TP53BP1: variants seen among roughly 807,000 people sequenced by gnomAD.
TP53BP1 encodes tumor protein p53 binding protein 1.
A neutral mutation model predicts 200.8 loss-of-function variants in TP53BP1; 61 were observed. The observed-to-expected ratio is 0.30, with a 90% CI of 0.25 to 0.38. The LOEUF (loss-of-function observed/expected upper bound fraction) is 0.38, where lower values mean the gene tolerates loss of function less well. Ranked by LOEUF, TP53BP1 falls within the 10% of genes least tolerant of loss-of-function variation. The pLI is 1.00. For missense variants in TP53BP1, 2,144 were observed against 2,371.9 expected, an observed-to-expected ratio of 0.90 and a Z score of 2.00; for synonymous variants, 822 against 844.3, an observed-to-expected ratio of 0.97 and a Z score of 0.46.
chr15:43,417,980 G>A (rs2045306358), intron 21 of TP53BP1, among the ~76,000 whole-genome samples: 1 of 151,830 alleles, frequency 6.6e-6, no homozygotes, highest in Non-Finnish European at 1.5e-5. Context: ...AGGAATTCAA[G>A]ACCAGCCTGA....
chr15:43,507,433 C>G (rs2079243269), intron 1 of TP53BP1, among the ~76,000 whole-genome samples: 1 of 152,236 alleles, frequency 6.6e-6, no homozygotes, highest in South Asian at 2.1e-4. Context: ...CTGCGCCCAG[C>G]TAGTCCAATT....
At chr15:43,417,814 T>C (rs2045302242) in intron 21 of TP53BP1, among the ~76,000 whole-genome samples, 1 of 152,188 alleles carries the variant, frequency 6.6e-6, no homozygotes, top group Admixed American at 6.5e-5. Context: ...CATTTAATAA[T>C]GAACAAAGGG....
rs772898309 is a variant in TP53BP1, at chr15:43,420,285, A to G, written c.4681+20T>C. On this transcript the variant is annotated intron_variant, in intron 21 of 27. Transcript: ENST00000382044. Reference sequence around the variant, plus strand: ...CCCAAGGCACAAAAAAATCTCTACAAACTCTGCTTCTTTCATTACCTGCAC... The same window carrying G: ...CCCAAGGCACAAAAAAATCTCTACAGACTCTGCTTCTTTCATTACCTGCAC... The G allele has an allele frequency of 6.2e-7, 1 of 1,605,404 alleles. No homozygotes were observed. Among genetic ancestry groups the G allele is most frequent in the Non-Finnish European group, 8.5e-7 (1 of 1,174,220 alleles).
At chr15:43,502,277 C>T (rs1595637227) in intron 1 of TP53BP1, among the ~76,000 whole-genome samples, 1 of 152,062 alleles carries the variant, frequency 6.6e-6, no homozygotes, top group Admixed American at 6.5e-5. Flanking sequence ...GAGCTATGAT[C>T]GCACCACTTG....
At chr15:43,479,287 G>A (rs1469621937) in intron 7 of TP53BP1, 110 bp downstream of exon 7, 2 of 1,236,844 alleles carry the variant, frequency 1.6e-6, no homozygotes, top group East Asian at 2.6e-5. Context: ...AGTACAAGGG[G>A]AAAATAATTT....
At chr15:43,506,872 C>T (rs1483226756) in intron 1 of TP53BP1, among the ~76,000 whole-genome samples, 1 of 152,100 alleles carries the variant, frequency 6.6e-6, no homozygotes, top group African/African-American at 2.4e-5. Context: ...TCTTCATTTG[C>T]AAAGGGTGTA....
chr15:43,447,505 G>GAAAAAAAAAAAAAAAAAAAAAAAAAAAAA lies in TP53BP1; in HGVS notation c.2717-21_2717-20insTTTTTTTTTTTTTTTTTTTTTTTTTTTTT. ...GGGTTTCTGAAAAAAAAAAAAAAAA[G>GAAAAAAAAAAAAAAAAAAAAAAAAAAAAA]AAAAAAGAAAGAAAGAAAAAATGAT... On this transcript the variant is annotated intron_variant, in intron 12 of 27. Transcript: ENST00000382044. 9.0e-7 allele frequency: 1 copy of GAAAAAAAAAAAAAAAAAAAAAAAAAAAAA among 1,116,984 alleles called. No individual in the cohort carries two copies. Among genetic ancestry groups the GAAAAAAAAAAAAAAAAAAAAAAAAAAAAA allele is most frequent in the Non-Finnish European group, 1.2e-6 (1 of 846,348 alleles). 69.2% of individuals were successfully genotyped at this position (1,116,984 alleles called of 1,614,324 possible). A position where few individuals can be genotyped will look rare whatever the true frequency, so the allele number is the denominator to read the frequency against.
At chr15:43,441,713 T>C (rs1314722442) in intron 14 of TP53BP1, 130 bp from the exon 15 acceptor site, 2 of 642,194 alleles carry the variant, frequency 3.1e-6, no homozygotes, top group African/African-American at 1.8e-5. Context: ...TAAGTAAAAC[T>C]AGTAAGTATA....
chr15:43,467,193 G>A (rs1199053306), intron 11 of TP53BP1, among the ~76,000 whole-genome samples: 1 of 151,780 alleles, frequency 6.6e-6, no homozygotes, highest in East Asian at 1.9e-4. Context: ...AGCCTCCTGA[G>A]CAGCTGGGAC....
chr15:43,447,282 C>T, intron 13 of TP53BP1, 84 bp downstream of exon 13: 1 of 1,444,452 alleles, frequency 6.9e-7, no homozygotes, highest in Non-Finnish European at 9.4e-7. Context: ...CCAGACCCAA[C>T]TCCTCAGATC....
Position 43,403,145 on chromosome 15 carries a change from A to C in TP53BP1, c.*4238T>G, listed in dbSNP as rs1409264783. 1.3e-5 allele frequency: 2 copies of C among 152,222 alleles called. No homozygotes were observed. The highest frequency in any genetic ancestry group is 2.9e-5 in the Non-Finnish European group (2 of 68,066). 9.4% of individuals were successfully genotyped at this position (152,222 alleles called of 1,614,324 possible). A position where few individuals can be genotyped will look rare whatever the true frequency, so the allele number is the denominator to read the frequency against. On this transcript the variant is annotated 3_prime_UTR_variant, in exon 28 of 28. Transcript: ENST00000382044. ...AGGTATAATTCATGGCTCTGCCCTTAAGGAGCTCACAATCTAGTTGGAAAA... is the reference window on the plus strand; with the variant it reads ...AGGTATAATTCATGGCTCTGCCCTTCAGGAGCTCACAATCTAGTTGGAAAA...
At position 43,455,925 on chromosome 15, in the gene TP53BP1, G is replaced by A; in HGVS notation, c.2683C>T (p.His895Tyr). The A allele has an allele frequency of 6.2e-7, 1 of 1,614,166 alleles. No homozygotes were observed. ...EAQKLGKPSA[H>Y]ASQSFCESSS... ...CTTTCACAGAAGCTTTGTGAGGCAT[G>A]GGCAGAGGGCTTCCCCAGCTTCTGG... Residue 895 changes from histidine to tyrosine, a missense_variant, in exon 12 of 28, where the codon CAT becomes TAT. Transcript: ENST00000382044.
chr15:43,440,070 T>C (rs2045889911), intron 15 of TP53BP1, among the ~76,000 whole-genome samples: 1 of 152,172 alleles, frequency 6.6e-6, no homozygotes, highest in South Asian at 2.1e-4. Context: ...TTGAAAAAGG[T>C]CAGAAACTCA....
At chr15:43,473,465 C>T (rs2046776708) in intron 10 of TP53BP1, among the ~76,000 whole-genome samples, 1 of 151,944 alleles carries the variant, frequency 6.6e-6, no homozygotes, top group African/African-American at 2.4e-5. Context: ...AAGGCCCCAC[C>T]AGAGTAGCTA....
intron 3 of TP53BP1, 116 bp downstream of exon 3, chr15:43,491,886 A>G: frequency 3.7e-6 from 4 of 1,075,412 alleles, no homozygotes; most frequent in Non-Finnish European, 5.8e-6. Flanking sequence ...CTACGCAGAT[A>G]CCACAGTAGG....
intron 20 of TP53BP1, 29 bp from the exon 21 acceptor site, chr15:43,420,764 C>T (rs753629276): frequency 6.3e-6 from 10 of 1,584,658 alleles, no homozygotes; most frequent in East Asian, 2.2e-5. Flanking sequence ...TAGGAGAAGC[C>T]GGTGAGAACA....
Position 43,415,742 on chromosome 15 carries a change from G to A in TP53BP1, c.4941C>T (p.Ser1647=). The A allele has an allele frequency of 3.7e-6, 6 of 1,614,168 alleles. No individual in the cohort carries two copies. In the African/African-American group the frequency reaches 4.0e-5, roughly 11 times the overall value. Residue 1647 remains serine (S), a synonymous_variant, in exon 23 of 28, where the codon TCC becomes TCT. Transcript: ENST00000382044. ...GGGTAGGGGTTGTGCTGCTGCTACT[G>A]GAGGCAGTAGGGGTGGCTGGGGAGC... The part of the protein sequence containing the change: ...NVSSPATPTA[S]SSSSTTPTRK...
chr15:43,499,474 T>G (rs1358951073), intron 1 of TP53BP1, among the ~76,000 whole-genome samples: 1 of 152,222 alleles, frequency 6.6e-6, no homozygotes, highest in Non-Finnish European at 1.5e-5. Flanking sequence ...ACACAGTGCC[T>G]ACTCTTGGAT....
intron 1 of TP53BP1, among the ~76,000 whole-genome samples, chr15:43,502,599 C>G (rs1206685161): frequency 1.3e-5 from 2 of 150,756 alleles, no homozygotes; most frequent in African/African-American, 2.4e-5. Flanking sequence ...GGACTACAGG[C>G]GCCCGCCACC....
Sources: allele counts gnomAD v4.1 joint callset (sites outside exome capture counted in the v4.1 genomes callset), GRCh38; gene constraint gnomAD v4.1.1; transcripts MANE v1.5; gene names NCBI Gene and HGNC (gene_info 2026-07-23, HGNC 2026-07-21).